PCSK9: variants seen among roughly 807,000 people sequenced by gnomAD.
PCSK9 encodes proprotein convertase subtilisin/kexin type 9.
In PCSK9, 57 loss-of-function variants were observed where a neutral mutation model predicts 62.1. The observed-to-expected ratio is 0.92, with a 90% confidence interval of 0.74 to 1.14. The LOEUF (loss-of-function observed/expected upper bound fraction) is 1.14. Ranked by LOEUF, PCSK9 falls within the 50% of genes most tolerant of loss-of-function variation. The pLI, the probability that PCSK9 is intolerant of heterozygous loss-of-function variation, is 0.00. For missense variants in PCSK9, 870 were observed against 959.8 expected, an observed-to-expected ratio of 0.91 and a Z score of 1.24; for synonymous variants, 387 against 409.4, an observed-to-expected ratio of 0.95 and a Z score of 0.66.
chr1:55,039,816 A>G lies in PCSK9; in HGVS notation c.-22A>G. On this transcript the variant is annotated 5_prime_UTR_variant, in exon 1 of 12. Transcript: ENST00000302118. Reference sequence around the variant, plus strand: ...GGCCTCTAGGTCTCCTCGCCAGGACAGCAACCTCTCCCCTGGCCCTCATGG... The same window carrying G: ...GGCCTCTAGGTCTCCTCGCCAGGACGGCAACCTCTCCCCTGGCCCTCATGG... The G allele has an allele frequency of 6.4e-7, 1 of 1,569,250 alleles. No individual in the cohort carries two copies. Among genetic ancestry groups the G allele is most frequent in the Non-Finnish European group, 8.6e-7 (1 of 1,158,328 alleles).
At chr1:55,055,461 C>T (rs924017740) in intron 5 of PCSK9, among the ~76,000 whole-genome samples, 1 of 152,196 alleles carries the variant, frequency 6.6e-6, no homozygotes, top group Non-Finnish European at 1.5e-5. Context: ...TAGACAGAGC[C>T]AGGCACAGAG....
chr1:55,061,440 G>A lies in PCSK9; in HGVS notation c.1747G>A (p.Gly583Ser). 1 of 1,610,178 alleles carries A rather than the reference G, an allele frequency of 6.2e-7. No homozygotes were observed. The highest frequency in any genetic ancestry group is 8.5e-7 in the Non-Finnish European group (1 of 1,178,932). Residue 583 changes from glycine (G) to serine (S), a missense_variant, in exon 11 of 12, where the codon GGT (glycine) becomes AGT (serine). Physicochemically the swap from Gly to Ser is moderately conservative, Grantham distance 56 (BLOSUM62 0). Coordinates refer to ENST00000302118, the MANE Select transcript of PCSK9 (RefSeq NM_174936.4). ...THKPPVLRPR[G>S]QPNQCVGHRE... ...CAAGCCGCCTGTGCTGAGGCCACGAGGTCAGCCCAACCAGTGCGTGGGCCA... is the reference window on the plus strand; with the variant it reads ...CAAGCCGCCTGTGCTGAGGCCACGAAGTCAGCCCAACCAGTGCGTGGGCCA...
intron 3 of PCSK9, chr1:55,051,491 T>G (rs1644673132): frequency 1.9e-5 from 6 of 318,538 alleles, no homozygotes; most frequent in South Asian, 1.4e-4. Context: ...CTCTCTCCCT[T>G]CTCCATCCAG....
chr1:55,063,293 G>C lies in PCSK9; in HGVS notation c.1864-76G>C. The stretch of plus-strand genomic sequence containing the variant: ...CACTTTGGCCTCACAGAAGGATGTC[G>C]GAGGGAGAAATGAAGTGTGGGTGGG... On this transcript the variant is annotated intron_variant, in intron 11 of 11. Coordinates refer to ENST00000302118, the MANE Select transcript of PCSK9 (RefSeq NM_174936.4). 2.0e-6 allele frequency: 3 copies of C among 1,486,554 alleles called. 1 individual carries two copies. In the South Asian group the frequency reaches 3.6e-5, roughly 18 times the overall value. 92.1% of individuals were successfully genotyped at this position (1,486,554 alleles called of 1,614,324 possible). A position where few individuals can be genotyped will look rare whatever the true frequency, so the allele number is the denominator to read the frequency against.
intron 3 of PCSK9, among the ~76,000 whole-genome samples, chr1:55,048,064 C>G (rs927690169): frequency 6.6e-6 from 1 of 152,184 alleles, no homozygotes. Flanking sequence ...ACCACCCCCT[C>G]GGTTGGAACA....
chr1:55,055,852 A>G (rs1644709960), intron 5 of PCSK9, 141 bp from the exon 6 acceptor site: 3 of 772,216 alleles, frequency 3.9e-6, no homozygotes, highest in Non-Finnish European at 6.0e-6. Context: ...TTTTCGCAGC[A>G]GCATTTCCAC....
intron 3 of PCSK9, among the ~76,000 whole-genome samples, chr1:55,048,017 C>A (rs1378080400): frequency 6.6e-6 from 1 of 152,174 alleles, no homozygotes; most frequent in African/African-American, 2.4e-5. Context: ...AAGATCTTGC[C>A]CCCTAAGTTA....
In PCSK9 at chr1:55,056,135, T is replaced by C. The variant is rs1026609359; in HGVS notation, c.942T>C (p.Ala314=). 4.0e-5 allele frequency: 63 copies of C among 1,560,614 alleles called. No individual in the cohort carries two copies. The highest frequency in any genetic ancestry group is 5.4e-5 in the Non-Finnish European group (62 of 1,146,732). ...GGGCTGGGGTCGTGCTGGTCACCGC[T>C]GCCGGCAACTTCCGGGACGATGCCT... ...LARAGVVLVT[A]AGNFRDDACL... The change falls in exon 6 of 12, where the codon GCT becomes GCC. Residue 314 remains alanine, a synonymous_variant. Transcript: ENST00000302118.
At chr1:55,042,734 G>A (rs537688009) in intron 1 of PCSK9, among the ~76,000 whole-genome samples, 1 of 152,274 alleles carries the variant, frequency 6.6e-6, no homozygotes, top group African/African-American at 2.4e-5. Flanking sequence ...GCAGACAAGA[G>A]CTAAAAACCA....
chr1:55,056,707 C>G (rs1644717834), intron 6 of PCSK9, among the ~76,000 whole-genome samples: 1 of 152,160 alleles, frequency 6.6e-6, no homozygotes, highest in Non-Finnish European at 1.5e-5. Flanking sequence ...TGCAGTGTGG[C>G]TGCGGGGACA....
chr1:55,046,485 G>T (rs759519174), intron 2 of PCSK9, 38 bp from the exon 3 acceptor site: 1 of 1,614,128 alleles, frequency 6.2e-7, no homozygotes, highest in Admixed American at 1.7e-5. Context: ...TGTCCAAATG[G>T]CTTAAGCAGA....
chr1:55,060,066 C>T lies in PCSK9; in HGVS notation c.1681+403C>T, dbSNP rs188445083. Among the ~76,000 whole-genome samples the T allele has an allele frequency of 3.3e-3, 505 of 152,346 alleles. 3 individuals carry two copies. The highest frequency in any genetic ancestry group is 4.5e-3 in the Non-Finnish European group (308 of 68,038). ...ACCCTGCCGCTCTATAGCTGTGTGACTTGGGCAAATTACTTAACATCTCTG... is the reference window on the plus strand; with the variant it reads ...ACCCTGCCGCTCTATAGCTGTGTGATTTGGGCAAATTACTTAACATCTCTG... On this transcript the variant is annotated intron_variant, in intron 10 of 11. Coordinates refer to ENST00000302118, the MANE Select transcript of PCSK9 (RefSeq NM_174936.4).
chr1:55,057,276 C>T, intron 6 of PCSK9, 55 bp from the exon 7 acceptor site: 1 of 1,573,132 alleles, frequency 6.4e-7, no homozygotes, highest in South Asian at 1.1e-5. Context: ...GAGTCTGCCT[C>T]TGCAACCCCT....
intron 1 of PCSK9, among the ~76,000 whole-genome samples, chr1:55,042,602 G>A (rs919599337): frequency 2.0e-5 from 3 of 152,170 alleles, no homozygotes; most frequent in Non-Finnish European, 4.4e-5. Context: ...TATGGGTGAT[G>A]GGGCTGCAAG....
chr1:55,039,578 G>C lies in PCSK9; in HGVS notation c.-260G>C, dbSNP rs1185285717. 1.7e-6 allele frequency: 1 copy of C among 573,808 alleles called. No individual in the cohort carries two copies. The highest frequency in any genetic ancestry group is 3.1e-6 in the Non-Finnish European group (1 of 323,086). 35.5% of individuals were successfully genotyped at this position (573,808 alleles called of 1,614,324 possible). A position where few individuals can be genotyped will look rare whatever the true frequency, so the allele number is the denominator to read the frequency against. On this transcript the variant is annotated 5_prime_UTR_variant, in exon 1 of 12. Coordinates refer to ENST00000302118, the MANE Select transcript of PCSK9 (RefSeq NM_174936.4). ...CGTCGAGGCGCTCATGGTTGCAGGC[G>C]GGCGCCGCCGTTCAGTTCAGGGTCT...
At chr1:55,055,760 T>C (rs1341778489) in intron 5 of PCSK9, among the ~76,000 whole-genome samples, 1 of 152,214 alleles carries the variant, frequency 6.6e-6, no homozygotes, top group Non-Finnish European at 1.5e-5. Flanking sequence ...TTCAACTGAT[T>C]AAATGAGGCC....
intron 1 of PCSK9, among the ~76,000 whole-genome samples, chr1:55,043,597 G>A (rs1157576122): frequency 6.6e-6 from 1 of 152,228 alleles, no homozygotes; most frequent in Non-Finnish European, 1.5e-5. Flanking sequence ...GTCGAGTGTG[G>A]CCCGTAGTTC....
chr1:55,048,853 C>T (rs1644653644), intron 3 of PCSK9, among the ~76,000 whole-genome samples: 1 of 152,240 alleles, frequency 6.6e-6, no homozygotes, highest in Admixed American at 6.5e-5. Context: ...GCATGCATTT[C>T]TCTGTCAGGT....
At chr1:55,058,287 C>A (rs931949623) in intron 8 of PCSK9, 78 bp downstream of exon 8, 12 of 1,543,362 alleles carry the variant, frequency 7.8e-6, no homozygotes, top group Non-Finnish European at 1.1e-5. Context: ...TCTCCCTTCT[C>A]CCTTGTCTGT....
Sources: gnomAD v4.1 joint callset for allele counts (sites outside exome capture counted in the v4.1 genomes callset) on GRCh38, gnomAD v4.1.1 for gene constraint, MANE v1.5 for transcripts, NCBI Gene and HGNC (gene_info 2026-07-23, HGNC 2026-07-21) for gene names.